The following MASP2 variants were observed in gnomAD, a reference collection of about 807,000 sequenced individuals.
MASP2 encodes MBL associated serine protease 2.
MASP2 carries 49 observed loss-of-function variants against 57.1 expected under a neutral mutation model. The ratio of observed to expected loss-of-function variants is 0.86; its 90% CI spans 0.68 to 1.09. The LOEUF is 1.09. MASP2 is among the 50% of genes least tolerant of loss of function. The pLI, the probability that MASP2 is intolerant of heterozygous loss-of-function variation, is 0.00. For synonymous variants in MASP2, 379 were observed against 340.8 expected (o/e 1.11, Z -1.24); for missense variants, 900 against 874.8 (o/e 1.03, Z -0.36).
intron 8 of MASP2, among the ~76,000 whole-genome samples, chr1:11,032,665 T>G (rs2100880001): frequency 1.3e-5 from 2 of 149,206 alleles, no homozygotes; most frequent in Admixed American, 1.3e-4. Context: ...TCCCAACACT[T>G]TGGGAGGCCA....
intron 4 of MASP2, chr1:11,044,696 T>C: frequency 9.0e-7 from 1 of 1,106,830 alleles, no homozygotes; most frequent in Non-Finnish European, 1.3e-6. Context: ...TGGAGGAGGC[T>C]CCCACAGACC....
intron 4 of MASP2, among the ~76,000 whole-genome samples, chr1:11,043,818 C>T (rs995573429): frequency 1.3e-5 from 2 of 152,014 alleles, no homozygotes; most frequent in Non-Finnish European, 2.9e-5. Flanking sequence ...CACAGGCCCT[C>T]ACTCACACCC....
intron 8 of MASP2, among the ~76,000 whole-genome samples, chr1:11,032,104 C>T (rs531507313): frequency 1.3e-5 from 2 of 151,782 alleles, no homozygotes; most frequent in South Asian, 2.1e-4. Flanking sequence ...GGGTATGTGG[C>T]ACGTGCCTGT....
At chr1:11,043,127 C>T (rs1638511824) in intron 5 of MASP2, 105 bp from the exon 6 acceptor site, 3 of 1,282,668 alleles carry the variant, frequency 2.3e-6, no homozygotes, top group African/African-American at 2.9e-5. Context: ...CCAATGAGGC[C>T]AACCCAGGCC....
At chr1:11,044,786 C>G (rs1570756228) in intron 4 of MASP2, 1 of 1,411,516 alleles carries the variant, frequency 7.1e-7, no homozygotes, top group Non-Finnish European at 9.4e-7. Context: ...CCCAGAGACA[C>G]GTGGCAGCAG....
chr1:11,030,611 T>C (rs1004189017), intron 9 of MASP2, 137 bp downstream of exon 9: 2 of 948,416 alleles, frequency 2.1e-6, no homozygotes, highest in Non-Finnish European at 3.0e-6. Context: ...CTATAATATT[T>C]CACTTAGCGG....
Position 11,028,697 on chromosome 1 carries a change from G to GTTTT in MASP2, c.1298-1053_1298-1050dup, listed in dbSNP as rs1208974169. ...AATTAATATATTACTATCTTTCTGGGTTTTTTTTCTTTTTTTTTTTTTTTT... is the reference window on the plus strand; with the variant it reads ...AATTAATATATTACTATCTTTCTGGGTTTTTTTTTTTTCTTTTTTTTTTTTTTTT... On this transcript the variant is annotated intron_variant, in intron 10 of 10. Transcript: ENST00000400897. 7.0e-3 allele frequency among the ~76,000 whole-genome samples: 252 copies of GTTTT among 36,124 alleles called. 6 individuals carry two copies. Among genetic ancestry groups the GTTTT allele is most frequent in the African/African-American group, 0.024 (185 of 7,632 alleles). The allele number at this position is 36,124 out of a possible 152,430, so 23.7% of individuals were successfully genotyped here. A position where few individuals can be genotyped will look rare whatever the true frequency, so the allele number is the denominator to read the frequency against.
chr1:11,038,303 T>C (rs1289992375), intron 6 of MASP2, among the ~76,000 whole-genome samples: 1 of 152,172 alleles, frequency 6.6e-6, no homozygotes, highest in Non-Finnish European at 1.5e-5. Flanking sequence ...GCCCCAGGGC[T>C]GTTGTGAAGA....
chr1:11,046,916 TG>T lies in MASP2; in HGVS notation c.208del (p.His70ThrfsTer10). The T allele has an allele frequency of 6.4e-7, 1 of 1,571,602 alleles. No individual in the cohort carries two copies. Among genetic ancestry groups the T allele is most frequent in the Admixed American group, 1.9e-5 (1 of 53,446 alleles). On this transcript the variant is annotated frameshift_variant, in exon 2 of 11. Transcript: ENST00000400897. LOFTEE classifies it high-confidence loss of function. ...CTTGACGAAGTCGTACTCGCAGAGG[TG>T]GGAGAGCTCCAGGTCGAAGTGGGTG... ...YFTHFDLELS[H>X]LCEYDFVKLS... is the part of the protein sequence containing the mutation.
intron 4 of MASP2, chr1:11,044,821 T>A: frequency 6.5e-7 from 1 of 1,546,700 alleles, no homozygotes; most frequent in Non-Finnish European, 8.7e-7. Flanking sequence ...GGTTTATTAT[T>A]GGGTCCATGG....
At chr1:11,038,243 A>C (rs1260254549) in intron 6 of MASP2, among the ~76,000 whole-genome samples, 2 of 152,230 alleles carry the variant, frequency 1.3e-5, no homozygotes, top group South Asian at 2.1e-4. Flanking sequence ...AACCTCTCTG[A>C]GTCTCAGTTT....
In MASP2 at chr1:11,034,868, C is replaced by A; in HGVS notation, c.1047G>T (p.Gln349His). The A allele has an allele frequency of 6.2e-7, 1 of 1,613,296 alleles. No homozygotes were observed. The highest frequency in any genetic ancestry group is 1.3e-5 in the African/African-American group (1 of 74,990). The change falls in exon 8 of 11, where the codon CAG becomes CAT. Residue 349 changes from glutamine to histidine, a missense_variant. Coordinates refer to ENST00000400897, the MANE Select transcript of MASP2 (RefSeq NM_006610.4). ...TTGGCCGGTCCCAAGATCCATCTTT[C>A]TGACAAACTGCAGTAAAGGATTTCA... ...LPLKSFTAVCQKDGSWDRPMP... is the reference protein window; with the variant it reads ...LPLKSFTAVCHKDGSWDRPMP...
rs759594553 is a variant in MASP2, at chr1:11,027,334, A to G, written c.1612T>C (p.Leu538=). Residue 538 remains leucine (L), a synonymous_variant, in exon 11 of 11, where the codon TTG becomes CTG. Coordinates refer to ENST00000400897, the MANE Select transcript of MASP2 (RefSeq NM_006610.4). ...CTATTGATTACAACTTTGTTATTCA[A>G]TTTAATCAGTGCTATGTCATTGTCA... ...GFDNDIALIK[L]NNKVVINSNI... is the part of the protein sequence containing the mutation. 14 of 1,614,026 alleles carry G rather than the reference A, an allele frequency of 8.7e-6. No individual in the cohort carries two copies. Among genetic ancestry groups the G allele is most frequent in the East Asian group, 2.2e-5 (1 of 44,902 alleles).
intron 5 of MASP2, 106 bp downstream of exon 5, chr1:11,043,233 A>AC (rs1638514828): frequency 9.0e-7 from 1 of 1,114,980 alleles, no homozygotes; most frequent in South Asian, 1.5e-5. Flanking sequence ...GGTGGGGGTC[A>AC]CCGAGGGTGA....
chr1:11,028,217 C>CAGA (rs572388127), intron 10 of MASP2, among the ~76,000 whole-genome samples: 2 of 145,106 alleles, frequency 1.4e-5, no homozygotes, highest in African/African-American at 5.1e-5. Context: ...AACTCCATCT[C>CAGA]AAAAAAAAAA....
chr1:11,045,497 C>A lies in MASP2; in HGVS notation c.455G>T (p.Cys152Phe). 1.9e-6 allele frequency: 3 copies of A among 1,611,344 alleles called. No individual in the cohort carries two copies. Among genetic ancestry groups the A allele is most frequent in the Non-Finnish European group, 2.5e-6 (3 of 1,179,624 alleles). Reference sequence around the variant, plus strand: ...CAGGTGGTTGTGGCAGTGGTGGTCGCAGGTGGGCGCCTCTCCCGGGGCCAC... The same window carrying A: ...CAGGTGGTTGTGGCAGTGGTGGTCGAAGGTGGGCGCCTCTCCCGGGGCCAC... ...CQVAPGEAPT[C>F]DHHCHNHLGG... The change falls in exon 4 of 11, where the codon TGC (cysteine) becomes TTC (phenylalanine). Residue 152 changes from cysteine (C) to phenylalanine (F), a missense_variant. By Grantham distance (205) the Cys-to-Phe change is radical. Coordinates refer to ENST00000400897, the MANE Select transcript of MASP2 (RefSeq NM_006610.4).
chr1:11,045,008 G>A (rs1357021321), intron 4 of MASP2: 78 of 1,546,102 alleles, frequency 5.0e-5, no homozygotes, highest in Non-Finnish European at 6.8e-5. Flanking sequence ...AAACCGAGTC[G>A]GGGGAGGCAG....
chr1:11,045,352 AGGAGCCCCGG>A, intron 4 of MASP2, 46 bp downstream of exon 4: 2 of 1,609,446 alleles, frequency 1.2e-6, no homozygotes, highest in Non-Finnish European at 1.7e-6. Flanking sequence ...AATGGCCCTG[AGGAGCCCCGG>A]GTATCCCAGG....
Position 11,046,912 on chromosome 1 carries a change from G to T in MASP2, c.213C>A (p.Leu71=), listed in dbSNP as rs1444134509. 6.4e-7 allele frequency: 1 copy of T among 1,570,896 alleles called. No homozygotes were observed. The highest frequency in any genetic ancestry group is 2.3e-5 in the East Asian group (1 of 42,798). The change falls in exon 2 of 11, where the codon CTC becomes CTA. Residue 71 remains leucine (L), a synonymous_variant. Coordinates refer to ENST00000400897, the MANE Select transcript of MASP2 (RefSeq NM_006610.4). ...GCACCTTGACGAAGTCGTACTCGCA[G>T]AGGTGGGAGAGCTCCAGGTCGAAGT... ...FTHFDLELSH[L]CEYDFVKLSS...
Sources: allele counts gnomAD v4.1 joint callset (sites outside exome capture counted in the v4.1 genomes callset), GRCh38; gene constraint gnomAD v4.1.1; transcripts MANE v1.5; gene names NCBI Gene and HGNC (gene_info 2026-07-23, HGNC 2026-07-21).